Variants in MED12L observed in about 807,000 individuals in gnomAD.
MED12L encodes the protein mediator of RNA polymerase II transcription subunit 12-like protein.
In MED12L, 60 loss-of-function variants were observed where a neutral mutation model predicts 281.3. The ratio of observed to expected loss-of-function variants is 0.21; its 90% CI spans 0.17 to 0.26. The LOEUF (loss-of-function observed/expected upper bound fraction) is 0.26. Among genes scored for constraint, MED12L ranks in the 10% least tolerant of loss-of-function variants. The probability of loss-of-function intolerance (pLI) is 1.00; values close to 1 mark genes in which losing one functional copy is unlikely to be tolerated. For missense variants in MED12L, 2,146 were observed against 2,680.9 expected, an observed-to-expected ratio of 0.80 and a Z score of 4.41; for synonymous variants, 974 against 987.2, an observed-to-expected ratio of 0.99 and a Z score of 0.25.
intron 3 of MED12L, among the ~76,000 whole-genome samples, chr3:151,120,235 C>A (rs1190400382): frequency 2.7e-5 from 4 of 150,052 alleles, no homozygotes; most frequent in Admixed American, 1.3e-4. Context: ...AAAAAAAAAA[C>A]AAAACGAAAA....
chr3:151,281,232 C>CAAAAAAAA (rs35035320), intron 16 of MED12L, among the ~76,000 whole-genome samples: 19 of 49,940 alleles, frequency 3.8e-4, no homozygotes, highest in South Asian at 1.1e-3. Flanking sequence ...ACCAAAAATA[C>CAAAAAAAA]AAAAAAAAAA....
At chr3:151,190,996 A>G (rs1395130200) in intron 14 of MED12L, 65 bp downstream of exon 14, 2 of 1,428,950 alleles carry the variant, frequency 1.4e-6, no homozygotes, top group African/African-American at 2.8e-5. Context: ...CCATGTTCAA[A>G]TGGGTCATGT....
chr3:151,126,846 G>A (rs1714608281), intron 4 of MED12L, among the ~76,000 whole-genome samples: 1 of 152,164 alleles, frequency 6.6e-6, no homozygotes, highest in Non-Finnish European at 1.5e-5. Flanking sequence ...CTGTGAGGTG[G>A]ACAGGGTTGA....
chr3:151,329,650 A>G, intron 16 of MED12L: 1 of 577,964 alleles, frequency 1.7e-6, no homozygotes, highest in African/African-American at 1.9e-5. Context: ...GACCTTTGGG[A>G]CATTTGCTAA....
chr3:151,156,336 C>G lies in MED12L; in HGVS notation c.726+6C>G, dbSNP rs1560102414. Reference sequence around the variant, plus strand: ...TAGCATTTCACATGTTCCAGGTAACCTTTTGAAGACATGCAGAGTTGTGTG... The same window carrying G: ...TAGCATTTCACATGTTCCAGGTAACGTTTTGAAGACATGCAGAGTTGTGTG... On this transcript the variant is annotated splice_donor_region_variant and intron_variant, in intron 6 of 44. Coordinates refer to ENST00000687756, the MANE Select transcript of MED12L (RefSeq NM_001393769.1). 1.3e-6 allele frequency: 2 copies of G among 1,599,136 alleles called. No homozygotes were observed. The highest frequency in any genetic ancestry group is 1.1e-5 in the South Asian group (1 of 88,268).
At chr3:151,290,596 G>T (rs901461477) in intron 16 of MED12L, among the ~76,000 whole-genome samples, 2 of 148,908 alleles carry the variant, frequency 1.3e-5, no homozygotes, top group African/African-American at 2.5e-5. Flanking sequence ...CAGTCTATTT[G>T]TAGCATTTTC....
At chr3:151,306,162 A>G (rs952632612) in intron 16 of MED12L, among the ~76,000 whole-genome samples, 41 of 152,204 alleles carry the variant, frequency 2.7e-4, no homozygotes, top group Admixed American at 2.0e-4. Context: ...CTTTGATTAT[A>G]AATGTATCTT....
At chr3:151,269,751 G>C (rs535087524) in intron 16 of MED12L, 6 of 421,070 alleles carry the variant, frequency 1.4e-5, no homozygotes, top group Non-Finnish European at 2.3e-5. Context: ...AATTTCATCT[G>C]AATGAGAGTG....
intron 44 of MED12L, 100 bp downstream of exon 44, chr3:151,430,480 C>T: frequency 6.5e-7 from 1 of 1,543,458 alleles, no homozygotes; most frequent in Non-Finnish European, 8.8e-7. Flanking sequence ...GTACCATCTT[C>T]CTCAGTACAA....
chr3:151,223,526 G>A (rs1729848824), intron 16 of MED12L, among the ~76,000 whole-genome samples: 1 of 152,170 alleles, frequency 6.6e-6, no homozygotes, highest in African/African-American at 2.4e-5. Context: ...AAGAAATCAT[G>A]TCCTTTGCAG....
chr3:151,345,517 C>CTTTTTTTTTTTTTTTTT (rs201731496), intron 16 of MED12L, among the ~76,000 whole-genome samples: 7 of 131,640 alleles, frequency 5.3e-5, no homozygotes, highest in African/African-American at 8.3e-5. Context: ...TTTTCTTTTT[C>CTTTTTTTTTTTTTTTTT]TTTTTTTTTT....
At chr3:151,255,648 C>G (rs758148049) in intron 16 of MED12L, among the ~76,000 whole-genome samples, 1 of 152,130 alleles carries the variant, frequency 6.6e-6, no homozygotes, top group Non-Finnish European at 1.5e-5. Flanking sequence ...TGAGATGAAA[C>G]CTTTGGCCAT....
rs537939422 is a variant in MED12L, at chr3:151,101,248, G to A, written c.99+14223G>A. Among the ~76,000 whole-genome samples the A allele has an allele frequency of 2.4e-4, 36 of 152,240 alleles. No individual in the cohort carries two copies. In the South Asian group the frequency reaches 6.2e-3, roughly 26 times the overall value. ...AAATTGAAGAATAACATTCCGTAGA[G>A]TGTACAAAGTGCCACATGACATTAT... On this transcript the variant is annotated intron_variant, in intron 2 of 44. Transcript: ENST00000687756.
chr3:151,299,341 T>C (rs1008123050), intron 16 of MED12L, among the ~76,000 whole-genome samples: 4 of 147,368 alleles, frequency 2.7e-5, no homozygotes, highest in South Asian at 2.2e-4. Flanking sequence ...TCCTTCTTTC[T>C]TTCCTTCCTT....
chr3:151,294,905 C>T (rs766197920), intron 16 of MED12L: 3 of 1,614,078 alleles, frequency 1.9e-6, no homozygotes, highest in South Asian at 2.2e-5. Context: ...AGTGTATCTG[C>T]AGAGAATAAA....
chr3:151,409,005 C>G (rs1389713942), intron 39 of MED12L, among the ~76,000 whole-genome samples: 4 of 152,166 alleles, frequency 2.6e-5, no homozygotes, highest in Admixed American at 2.0e-4. Context: ...ATAACTTAGG[C>G]TTGTATTTAT....
intron 16 of MED12L, chr3:151,327,360 G>A (rs1373724995): frequency 1.3e-5 from 2 of 152,208 alleles, no homozygotes; most frequent in Non-Finnish European, 2.9e-5. Flanking sequence ...CACTTAAGGT[G>A]TAAGCAAAGT....
At chr3:151,113,801 G>A (rs538893405) in intron 2 of MED12L, among the ~76,000 whole-genome samples, 3 of 152,240 alleles carry the variant, frequency 2.0e-5, no homozygotes, top group African/African-American at 7.2e-5. Flanking sequence ...TCAGGAGTGG[G>A]TGTGTCTCTT....
At chr3:151,183,673 C>G (rs188655521) in intron 11 of MED12L, among the ~76,000 whole-genome samples, 4 of 152,230 alleles carry the variant, frequency 2.6e-5, no homozygotes, top group African/African-American at 9.6e-5. Context: ...TGAGACATTA[C>G]TGATCACATA....
Sources: gnomAD v4.1 joint callset for allele counts (sites outside exome capture counted in the v4.1 genomes callset) on GRCh38, gnomAD v4.1.1 for gene constraint, MANE v1.5 for transcripts, NCBI Gene and HGNC (gene_info 2026-07-23, HGNC 2026-07-21) for gene names.